STK10: variants seen among roughly 807,000 people sequenced by gnomAD.
The protein encoded by STK10 is serine/threonine-protein kinase 10.
STK10 carries 78 observed loss-of-function variants against 113.8 expected under a neutral mutation model. The ratio of observed to expected loss-of-function variants is 0.69; its 90% CI spans 0.57 to 0.83. The LOEUF is 0.83. Ranked by LOEUF, STK10 falls within the 40% of genes least tolerant of loss-of-function variation. The probability of loss-of-function intolerance (pLI) is 0.00; values close to 1 mark genes in which losing one functional copy is unlikely to be tolerated. For synonymous variants in STK10, 465 were observed against 494.7 expected, an observed-to-expected ratio of 0.94 and a Z score of 0.80; for missense variants, 1,109 against 1,280.1, an observed-to-expected ratio of 0.87 and a Z score of 2.04.
chr5:172,157,280 C>T lies in STK10; in HGVS notation c.157-492G>A, dbSNP rs999191204. Among the ~76,000 whole-genome samples the T allele has an allele frequency of 8.5e-5, 13 of 152,166 alleles. No homozygotes were observed. The East Asian group carries it at 1.6e-3, about 18-fold the overall frequency. ...TCTGTTTAAAATTTAAAATCTAGGCCGGGTGCGGTGGCTCACACCTGTAAT... is the reference window on the plus strand; with the variant it reads ...TCTGTTTAAAATTTAAAATCTAGGCTGGGTGCGGTGGCTCACACCTGTAAT... On this transcript the variant is annotated intron_variant, in intron 1 of 18. Coordinates refer to ENST00000176763, the MANE Select transcript of STK10 (RefSeq NM_005990.4).
chr5:172,101,957 G>T (rs573723515), intron 7 of STK10, among the ~76,000 whole-genome samples: 1 of 151,336 alleles, frequency 6.6e-6, no homozygotes, highest in Non-Finnish European at 1.5e-5. Context: ...GGGCGATGGG[G>T]GTCAGCAGGG....
chr5:172,093,968 AATAT>A lies in STK10; in HGVS notation c.1006-12_1006-9del. The A allele has an allele frequency of 2.1e-6, 3 of 1,410,304 alleles. No individual in the cohort carries two copies. The highest frequency in any genetic ancestry group is 2.8e-6 in the Non-Finnish European group (3 of 1,067,924). The allele number at this position is 1,410,304 out of a possible 1,614,324, so 87.4% of individuals were successfully genotyped here. The stretch of plus-strand genomic sequence containing the variant: ...AGTATGGTTCTCCAGGGTCTAGAAA[AATAT>A]ATATATATATATTAAAGGCCATGCT... On this transcript the variant is annotated splice_polypyrimidine_tract_variant and intron_variant, in intron 8 of 18. Coordinates refer to ENST00000176763, the MANE Select transcript of STK10 (RefSeq NM_005990.4). The surrounding 1 kb of genome is among the most constrained non-coding windows in gnomAD (Gnocchi z 4.1).
At chr5:172,135,573 T>A (rs1252532155) in intron 2 of STK10, among the ~76,000 whole-genome samples, 5 of 152,114 alleles carry the variant, frequency 3.3e-5, no homozygotes, top group African/African-American at 1.2e-4. Context: ...GGAACCTTCA[T>A]ACACTGATGG....
intron 12 of STK10, among the ~76,000 whole-genome samples, chr5:172,068,318 C>T (rs1041790095): frequency 6.7e-6 from 1 of 149,630 alleles, no homozygotes; most frequent in African/African-American, 2.5e-5. Flanking sequence ...CCAGTCTGGG[C>T]GACAGAGCGA....
Position 172,093,807 on chromosome 5 carries a change from A to T in STK10, c.1159T>A (p.Ser387Thr). 2 of 1,607,292 alleles carry T rather than the reference A, an allele frequency of 1.2e-6. No homozygotes were observed. Among genetic ancestry groups the T allele is most frequent in the Non-Finnish European group, 1.7e-6 (2 of 1,175,190 alleles). The change falls in exon 9 of 19, where the codon TCC (serine) becomes ACC (threonine). Residue 387 changes from serine to threonine, a missense_variant. By Grantham distance (58) the Ser-to-Thr change is moderately conservative (BLOSUM62 1). Transcript: ENST00000176763. This position sits in a 1 kb window ranked among gnomAD's most constrained non-coding sequence, Gnocchi z 4.1. Reference protein sequence around the residue: ...EPCSQPSGDRSLQTTSPPVVA... With the variant: ...EPCSQPSGDRTLQTTSPPVVA... ...ACTGGGGGACTGGTGGTTTGGAGGG[A>T]TCTGTCCCCAGAGGGCTGGCTGCAG...
At chr5:172,060,966 C>G (rs1451902485) in intron 14 of STK10, among the ~76,000 whole-genome samples, 173 bp downstream of exon 14, 1 of 152,164 alleles carries the variant, frequency 6.6e-6, no homozygotes, top group Non-Finnish European at 1.5e-5. Flanking sequence ...GGTGTCCTTA[C>G]CTCGTTCCTT....
At chr5:172,070,317 C>A (rs1337401783) in intron 12 of STK10, among the ~76,000 whole-genome samples, 1 of 150,694 alleles carries the variant, frequency 6.6e-6, no homozygotes, top group Non-Finnish European at 1.5e-5. Context: ...ATAATGAAAT[C>A]AAACTAAAAA....
At chr5:172,156,414 T>C (rs1255510197) in intron 2 of STK10, among the ~76,000 whole-genome samples, 2 of 152,228 alleles carry the variant, frequency 1.3e-5, no homozygotes, top group Non-Finnish European at 2.9e-5. Context: ...TAGCGCTTTC[T>C]GTTCCAAATC....
chr5:172,106,401 CAA>C lies in STK10; in HGVS notation c.788+217_788+218del, dbSNP rs368671444. ...TGGGCAAAAGAGTGAGACCCTATCT[CAA>C]AAAAAAAAAAAAAAAGGAACACAAA... On this transcript the variant is annotated intron_variant, in intron 6 of 18. Coordinates refer to ENST00000176763, the MANE Select transcript of STK10 (RefSeq NM_005990.4). Among the ~76,000 whole-genome samples, 15 of 53,448 alleles carry C rather than the reference CAA, an allele frequency of 2.8e-4. 1 individual carries two copies. The highest frequency in any genetic ancestry group is 8.3e-4 in the Admixed American group (3 of 3,602). 35.1% of individuals were successfully genotyped at this position (53,448 alleles called of 152,430 possible).
chr5:172,052,924 G>GTTA lies in STK10; in HGVS notation c.2766+2_2766+4dup. On this transcript the variant is annotated splice_donor_region_variant and intron_variant, in intron 18 of 18. Coordinates refer to ENST00000176763, the MANE Select transcript of STK10 (RefSeq NM_005990.4). ...GACTGAGCCCACCAGCTCGGATAAA[G>GTTA]TTACCTTCTTGCGCGGCCGAAGCTT... 1 of 1,613,756 alleles carries GTTA rather than the reference G, an allele frequency of 6.2e-7. No individual in the cohort carries two copies. Among genetic ancestry groups the GTTA allele is most frequent in the Non-Finnish European group, 8.5e-7 (1 of 1,179,994 alleles).
chr5:172,152,353 T>C (rs1208822583), intron 2 of STK10, among the ~76,000 whole-genome samples: 1 of 152,348 alleles, frequency 6.6e-6, no homozygotes, highest in East Asian at 1.9e-4. Flanking sequence ...CTCTTGCTCC[T>C]GTAATACATG....
chr5:172,121,433 A>G (rs1769507479), intron 3 of STK10, among the ~76,000 whole-genome samples: 2 of 152,108 alleles, frequency 1.3e-5, no homozygotes, highest in Admixed American at 6.6e-5. Flanking sequence ...TCGATCTCCC[A>G]GGCTCATGCA....
intron 18 of STK10, 134 bp from the exon 19 acceptor site, chr5:172,045,156 G>A (rs1259319449): frequency 1.1e-5 from 15 of 1,340,960 alleles, no homozygotes; most frequent in South Asian, 2.8e-5. Context: ...GAGAAACTAC[G>A]GCTTCCCTAT....
chr5:172,114,473 A>ATATATTTTTTT (rs1226289994), intron 4 of STK10: 6 of 47,540 alleles, frequency 1.3e-4, no homozygotes, highest in African/African-American at 5.7e-4. Context: ...ATATATATAT[A>ATATATTTTTTT]TTTTTTTTTT....
At chr5:172,149,542 G>GTC in intron 2 of STK10, among the ~76,000 whole-genome samples, 1 of 126,204 alleles carries the variant, frequency 7.9e-6, no homozygotes, top group African/African-American at 3.9e-5. Context: ...GTGTGTGTGT[G>GTC]TCCCAACAAC....
At chr5:172,073,644 C>T (rs1418928362) in intron 12 of STK10, among the ~76,000 whole-genome samples, 1 of 151,862 alleles carries the variant, frequency 6.6e-6, no homozygotes, top group African/African-American at 2.4e-5. Context: ...GCACCAAAAA[C>T]ATGAAATAAA....
intron 2 of STK10, 35 bp downstream of exon 2, chr5:172,156,589 G>A: frequency 1.3e-6 from 2 of 1,596,086 alleles, no homozygotes; most frequent in Non-Finnish European, 1.7e-6. Flanking sequence ...CAGGCCATGG[G>A]GGCTGAGCTG....
At chr5:172,049,951 C>A (rs980132238) in intron 18 of STK10, among the ~76,000 whole-genome samples, 5 of 152,094 alleles carry the variant, frequency 3.3e-5, no homozygotes, top group Admixed American at 1.3e-4. Context: ...TACAGGCATG[C>A]ACCACCATGT....
intron 12 of STK10, among the ~76,000 whole-genome samples, chr5:172,079,523 C>G (rs955066121): frequency 6.6e-6 from 1 of 151,644 alleles, no homozygotes; most frequent in African/African-American, 2.4e-5. Flanking sequence ...TTAACAGATC[C>G]GGAAATTAAT....
Sources: gnomAD v4.1 joint callset for allele counts (sites outside exome capture counted in the v4.1 genomes callset) on GRCh38, gnomAD v4.1.1 for gene constraint, Gnocchi (gnomAD v3.1) non-coding constraint, MANE v1.5 for transcripts, NCBI Gene and HGNC (gene_info 2026-07-23, HGNC 2026-07-21) for gene names.